RASEF: variants seen among roughly 807,000 people sequenced by gnomAD.
RASEF encodes ras and EF-hand domain-containing protein.
RASEF carries 68 observed loss-of-function variants against 90.1 expected under a neutral mutation model. The observed-to-expected ratio is 0.75, with a 90% confidence interval of 0.62 to 0.92. RASEF has a LOEUF of 0.92. Ranked by LOEUF, RASEF falls within the 40% of genes least tolerant of loss-of-function variation. The pLI is 0.00. For missense variants in RASEF, 949 were observed against 937.2 expected (o/e 1.01, Z -0.16); for synonymous variants, 331 against 345.2 (o/e 0.96, Z 0.46).
the RASEF span, among the ~76,000 whole-genome samples, chr9:83,215,413 G>A: frequency 6.6e-6 from 1 of 152,102 alleles, no homozygotes. Context: ...TTGTAACACT[G>A]GGGCCACAGA....
At chr9:82,996,830 T>C (rs558824595) in intron 14 of RASEF, among the ~76,000 whole-genome samples, 182 bp downstream of exon 14, 2 of 152,340 alleles carry the variant, frequency 1.3e-5, no homozygotes, top group South Asian at 4.1e-4. Flanking sequence ...CAGGGAAATG[T>C]GCCCAAATCC....
intron 9 of RASEF, among the ~76,000 whole-genome samples, chr9:83,003,857 T>A (rs7024864): frequency 0.52 from 79,080 of 151,986 alleles, 20,771 homozygotes; most frequent in East Asian, 0.73. Context: ...GACATATTAC[T>A]AAATTAACTA....
At chr9:83,023,899 CT>C (rs761711519) in intron 2 of RASEF, among the ~76,000 whole-genome samples, 24 of 152,202 alleles carry the variant, frequency 1.6e-4, no homozygotes, top group Non-Finnish European at 3.1e-4. Flanking sequence ...CAACATTTTT[CT>C]TCTTTTGTAA....
chr9:83,140,366 CAA>C, the RASEF span, among the ~76,000 whole-genome samples: 1 of 152,194 alleles, frequency 6.6e-6, no homozygotes, highest in Non-Finnish European at 1.5e-5. Flanking sequence ...AATGCTGATT[CAA>C]AGTCTTTAGT....
At chr9:83,024,309 G>A in intron 2 of RASEF, among the ~76,000 whole-genome samples, 1 of 152,080 alleles carries the variant, frequency 6.6e-6, no homozygotes, top group East Asian at 1.9e-4. Context: ...AGCTGGTAAT[G>A]AGAACATCAA....
intron 2 of RASEF, among the ~76,000 whole-genome samples, chr9:83,022,887 T>A (rs537569779): frequency 6.6e-6 from 1 of 152,216 alleles, no homozygotes; most frequent in African/African-American, 2.4e-5. Flanking sequence ...AGTAAAAGTA[T>A]AGGATTATAT....
intron 1 of RASEF, among the ~76,000 whole-genome samples, chr9:83,044,255 G>A (rs1234870836): frequency 2.6e-5 from 4 of 152,200 alleles, no homozygotes; most frequent in Admixed American, 2.6e-4. Flanking sequence ...AAGAAGGGAA[G>A]CCAGAAAGCA....
At chr9:83,183,324 A>G in the RASEF span, among the ~76,000 whole-genome samples, 15 of 151,852 alleles carry the variant, frequency 9.9e-5, 1 homozygote, top group African/African-American at 3.6e-4. Context: ...ATTCCTACAT[A>G]CTCTGTATAT....
chr9:83,091,999 A>ATTTTTTTTTTTTTT, the RASEF span, among the ~76,000 whole-genome samples: 3 of 17,240 alleles, frequency 1.7e-4, no homozygotes, highest in African/African-American at 7.2e-4. Context: ...TTTTTCTTTT[A>ATTTTTTTTTTTTTT]TTTCTTTTTT....
At position 83,047,878 on chromosome 9, in the gene RASEF, T is replaced by C. The variant is rs78918389; in HGVS notation, c.431+14559A>G. On this transcript the variant is annotated intron_variant, in intron 1 of 16. Coordinates refer to ENST00000376447, the MANE Select transcript of RASEF (RefSeq NM_152573.4). ...TTCAAAATGAGATCAAACCTAACAT[T>C]TGAATTAACCAGGGCACATTCACAG... Among the ~76,000 whole-genome samples the C allele has an allele frequency of 6.3e-3, 954 of 152,290 alleles. 8 individuals carry two copies. The highest frequency in any genetic ancestry group is 0.022 in the African/African-American group (899 of 41,558).
At chr9:83,195,697 T>C in the RASEF span, among the ~76,000 whole-genome samples, 1 of 151,138 alleles carries the variant, frequency 6.6e-6, no homozygotes, top group South Asian at 2.1e-4. Flanking sequence ...TATATATGAG[T>C]GATATAAAGA....
At chr9:83,049,876 AT>A (rs1830011362) in intron 1 of RASEF, among the ~76,000 whole-genome samples, 1 of 73,618 alleles carries the variant, frequency 1.4e-5, no homozygotes, top group African/African-American at 6.6e-5. Context: ...TGAACTCATC[AT>A]TTTTTATGGC....
At chr9:83,142,531 G>C in the RASEF span, among the ~76,000 whole-genome samples, 1 of 152,208 alleles carries the variant, frequency 6.6e-6, no homozygotes, top group Admixed American at 6.5e-5. Context: ...TTCAGTGACA[G>C]GCAAGTAACA....
the RASEF span, among the ~76,000 whole-genome samples, chr9:83,212,535 A>T: frequency 6.6e-6 from 1 of 152,390 alleles, no homozygotes; most frequent in South Asian, 2.1e-4. Flanking sequence ...CGGTATATAT[A>T]GATAAACAGA....
At chr9:83,009,197 C>A (rs1265126070) in intron 6 of RASEF, among the ~76,000 whole-genome samples, 1 of 151,756 alleles carries the variant, frequency 6.6e-6, no homozygotes, top group Admixed American at 6.6e-5. Context: ...TGTCTATGTT[C>A]CTTATATATA....
chr9:83,181,700 C>T, the RASEF span, among the ~76,000 whole-genome samples: 1 of 152,116 alleles, frequency 6.6e-6, no homozygotes, highest in African/African-American at 2.4e-5. Flanking sequence ...TTGCCTTTAT[C>T]TTTCTATCTC....
At chr9:83,008,895 T>TC (rs1315859633) in intron 6 of RASEF, among the ~76,000 whole-genome samples, 1,016 of 90,316 alleles carry the variant, frequency 0.011, 83 homozygotes, top group East Asian at 0.053. Context: ...TCTCATCATA[T>TC]ATATATATAT....
chr9:82,997,171 ATTC>A (rs1461164356), intron 13 of RASEF, 45 bp from the exon 14 acceptor site: 5 of 1,191,424 alleles, frequency 4.2e-6, no homozygotes, highest in East Asian at 2.3e-5. Context: ...GTGTTGCCTC[ATTC>A]TTCTTCTCTT....
the RASEF span, among the ~76,000 whole-genome samples, chr9:83,069,196 G>A: frequency 1.3e-5 from 2 of 152,060 alleles, no homozygotes; most frequent in East Asian, 1.9e-4. Context: ...ATTTACATAC[G>A]ATAAAATGCA....
Sources: allele counts gnomAD v4.1 joint callset (sites outside exome capture counted in the v4.1 genomes callset), GRCh38; gene constraint gnomAD v4.1.1; transcripts MANE v1.5; gene names NCBI Gene and HGNC (gene_info 2026-07-23, HGNC 2026-07-21).